The following ACOX1 variants were observed in gnomAD, a reference collection of about 807,000 sequenced individuals.
ACOX1 encodes the protein peroxisomal acyl-coenzyme A oxidase 1.
In ACOX1, 41 loss-of-function variants were observed where a neutral mutation model predicts 75.5. The observed-to-expected ratio is 0.54, with a 90% CI of 0.42 to 0.70. The LOEUF (loss-of-function observed/expected upper bound fraction) is 0.70, where lower values mean the gene tolerates loss of function less well. ACOX1 is among the 30% of genes least tolerant of loss of function. The pLI is 0.00. For synonymous variants in ACOX1, 303 were observed against 298.8 expected (o/e 1.01, Z -0.15); for missense variants, 630 against 837.5 (o/e 0.75, Z 3.06).
chr17:75,975,673 G>T (rs565189404), intron 2 of ACOX1, among the ~76,000 whole-genome samples: 4 of 152,228 alleles, frequency 2.6e-5, no homozygotes, highest in Non-Finnish European at 4.4e-5. Flanking sequence ...GCCAGGCGCA[G>T]TGGCTTATGC....
chr17:75,975,050 C>CAAA (rs1022347068), intron 2 of ACOX1, among the ~76,000 whole-genome samples: 49 of 40,212 alleles, frequency 1.2e-3, no homozygotes, highest in Non-Finnish European at 1.7e-3. Flanking sequence ...ACTCTGTCTC[C>CAAA]AAAAAAAAAA....
chr17:75,950,997 C>A lies in ACOX1; in HGVS notation c.1108-33G>T. The stretch of plus-strand genomic sequence containing the variant: ...GACAAGCACAGATCTGTCAGGACAT[C>A]TGTGGTGCTGAGAGCCCGAGAACCA... On this transcript the variant is annotated intron_variant, in intron 8 of 13. Coordinates refer to ENST00000293217, the MANE Select transcript of ACOX1 (RefSeq NM_004035.7). This position sits in a 1 kb window ranked among gnomAD's most constrained non-coding sequence, Gnocchi z 4.3. The A allele has an allele frequency of 6.2e-7, 1 of 1,608,492 alleles. No individual in the cohort carries two copies. Among genetic ancestry groups the A allele is most frequent in the Non-Finnish European group, 8.5e-7 (1 of 1,176,892 alleles).
chr17:75,957,323 T>C lies in ACOX1; in HGVS notation c.538+136A>G, dbSNP rs11077798. On this transcript the variant is annotated intron_variant, in intron 4 of 13. Coordinates refer to ENST00000293217, the MANE Select transcript of ACOX1 (RefSeq NM_004035.7). ...CTTGAATTCCTGACCTCAAGTGATCTGCCCACCTCAGCCTCCCAAAGTGTT... is the reference window on the plus strand; with the variant it reads ...CTTGAATTCCTGACCTCAAGTGATCCGCCCACCTCAGCCTCCCAAAGTGTT... 622,018 of 778,722 alleles carry C rather than the reference T, an allele frequency of 0.8. 248,887 individuals carry two copies. The highest frequency in any genetic ancestry group is 0.84 in the South Asian group (58,657 of 70,034). 48.2% of individuals were successfully genotyped at this position (778,722 alleles called of 1,614,324 possible).
chr17:75,974,760 C>T (rs1209157399), intron 2 of ACOX1, among the ~76,000 whole-genome samples: 3 of 151,998 alleles, frequency 2.0e-5, no homozygotes, highest in East Asian at 1.9e-4. Flanking sequence ...TAGCCGGGCG[C>T]GGTGGCTCAC....
At chr17:75,947,218 T>G (rs1178089420) in intron 13 of ACOX1, among the ~76,000 whole-genome samples, 1 of 151,720 alleles carries the variant, frequency 6.6e-6, no homozygotes, top group Non-Finnish European at 1.5e-5. Context: ...TGCATTGAAT[T>G]ATTTATGGAT....
intron 2 of ACOX1, chr17:75,973,425 A>G (rs764342146): frequency 9.6e-6 from 6 of 622,548 alleles, no homozygotes; most frequent in Non-Finnish European, 1.7e-5. Context: ...AGGAAATAAC[A>G]GTGAATGACG....
At chr17:75,947,189 T>C (rs2065728736) in intron 13 of ACOX1, among the ~76,000 whole-genome samples, 1 of 151,400 alleles carries the variant, frequency 6.6e-6, no homozygotes, top group African/African-American at 2.4e-5. Context: ...TTCTGAAGAG[T>C]CCTTATCTTT....
In ACOX1 at chr17:75,949,519, A is replaced by G. The variant is rs1353414180; in HGVS notation, c.1560T>C (p.Ser520=). Residue 520 remains serine (S), a synonymous_variant, in exon 11 of 14, where the codon TCT becomes TCC. Transcript: ENST00000293217. ...KSKEVAWNLT[S]VDLVRASEAH... is the part of the protein sequence containing the mutation. ...CCTCACTTGCTCGAACAAGGTCAAC[A>G]GAAGTTAGGTTCCAAGCTACCTCCT... 1.9e-6 allele frequency: 3 copies of G among 1,614,134 alleles called. No individual in the cohort carries two copies. The highest frequency in any genetic ancestry group is 2.5e-6 in the Non-Finnish European group (3 of 1,180,054).
chr17:75,973,741 G>A, intron 2 of ACOX1: 1 of 1,614,100 alleles, frequency 6.2e-7, no homozygotes, highest in Non-Finnish European at 8.5e-7. Context: ...AATAAACATG[G>A]AGTAATTGAG....
intron 3 of ACOX1, among the ~76,000 whole-genome samples, chr17:75,959,657 G>A (rs2065870465): frequency 6.6e-6 from 1 of 152,166 alleles, no homozygotes; most frequent in African/African-American, 2.4e-5. Context: ...GAAACCAAAT[G>A]CCTGCAAGTT....
chr17:75,961,759 CAAAAAAA>C (rs61575984), intron 2 of ACOX1, among the ~76,000 whole-genome samples: 1 of 53,036 alleles, frequency 1.9e-5, no homozygotes, highest in African/African-American at 6.5e-5. Context: ...GACTCTGTCT[CAAAAAAA>C]AAAAAAAAAA....
rs1231888590 is a variant in ACOX1, at chr17:75,950,950, G to A, written c.1122C>T (p.Thr374=). 15 of 1,613,924 alleles carry A rather than the reference G, an allele frequency of 9.3e-6. No individual in the cohort carries two copies. Among genetic ancestry groups the A allele is most frequent in the African/African-American group, 4.0e-5 (3 of 74,878 alleles). The part of the protein sequence containing the change: ...LSELPELHAL[T]AGLKAFTSWT... ...AGGAGGTGAAAGCCTTCAGTCCAGC[G>A]GTGAGGGCATGAAGCTGAGAGGACA... The change falls in exon 9 of 14, where the codon ACC becomes ACT. Residue 374 remains threonine, a synonymous_variant. Coordinates refer to ENST00000293217, the MANE Select transcript of ACOX1 (RefSeq NM_004035.7). The surrounding 1 kb of genome is among the most constrained non-coding windows in gnomAD (Gnocchi z 4.3).
chr17:75,979,069 T>G lies in ACOX1; in HGVS notation c.5A>C (p.Asn2Thr). Residue 2 changes from asparagine to threonine, a missense_variant, in exon 1 of 14, where the codon AAC (asparagine) becomes ACC (threonine). Coordinates refer to ENST00000293217, the MANE Select transcript of ACOX1 (RefSeq NM_004035.7). ...ATCCCGCTCCCTGCGCAGGTCCGGG[T>G]TCATGGCGACGACCAGCTGGCAGCG... M[N>T]PDLRRERDSA... The G allele has an allele frequency of 6.2e-7, 1 of 1,611,410 alleles. No individual in the cohort carries two copies. Among genetic ancestry groups the G allele is most frequent in the Non-Finnish European group, 8.5e-7 (1 of 1,179,920 alleles).
intron 4 of ACOX1, 151 bp downstream of exon 4, chr17:75,957,308 T>A: frequency 1.4e-6 from 1 of 717,246 alleles, no homozygotes; most frequent in Non-Finnish European, 2.5e-6. Flanking sequence ...CTTGAATTCC[T>A]GACCTCAAGT....
At chr17:75,966,139 A>AAAAAATAATAAAT (rs1468557405) in intron 2 of ACOX1, among the ~76,000 whole-genome samples, 2 of 149,074 alleles carry the variant, frequency 1.3e-5, no homozygotes, top group African/African-American at 5.0e-5. Context: ...CGAAAAAGAA[A>AAAAAATAATAAAT]AAAAATAATA....
chr17:75,954,258 T>A (rs1243404252), intron 6 of ACOX1, among the ~76,000 whole-genome samples: 1 of 145,096 alleles, frequency 6.9e-6, no homozygotes, highest in African/African-American at 2.6e-5. Flanking sequence ...CGGTGGCTCA[T>A]GCCTGTAATC....
At position 75,949,230 on chromosome 17, in the gene ACOX1, C is replaced by T. The variant is rs889815360; in HGVS notation, c.1715G>A (p.Gly572Glu). 3 of 1,614,052 alleles carry T rather than the reference C, an allele frequency of 1.9e-6. No homozygotes were observed. The highest frequency in any genetic ancestry group is 3.3e-5 in the Admixed American group (2 of 59,986). The change falls in exon 12 of 14, where the codon GGG becomes GAG. Residue 572 changes from glycine to glutamate, a missense_variant. This residue lies in a region of ACOX1 where 240 missense variants were observed against 262.7 expected (regional missense o/e 0.91). Coordinates refer to ENST00000293217, the MANE Select transcript of ACOX1 (RefSeq NM_004035.7). ...GAAAATACTGACCTGAAGGAAATCCCCCGCGTTCTGACTGATTCCATACAG... is the reference window on the plus strand; with the variant it reads ...GAAAATACTGACCTGAAGGAAATCCTCCGCGTTCTGACTGATTCCATACAG... ...YSLYGISQNAGDFLQGSIMTE... is the reference protein window; with the variant it reads ...YSLYGISQNAEDFLQGSIMTE...
At chr17:75,968,435 C>CACAAAAAAAAAAAAAAAAAAA (rs2065960640) in intron 2 of ACOX1, among the ~76,000 whole-genome samples, 3 of 21,008 alleles carry the variant, frequency 1.4e-4, no homozygotes, top group African/African-American at 1.1e-3. Flanking sequence ...GACTCCGTCT[C>CACAAAAAAAAAAAAAAAAAAA]AAAAAAAAAA....
chr17:75,952,585 C>T (rs2065784979), intron 7 of ACOX1, among the ~76,000 whole-genome samples: 1 of 152,012 alleles, frequency 6.6e-6, no homozygotes, highest in Admixed American at 6.6e-5. Flanking sequence ...TGAGCCACTG[C>T]GCCTGGCCTT....
Sources: gnomAD v4.1 joint callset for allele counts (sites outside exome capture counted in the v4.1 genomes callset) on GRCh38, gnomAD v4.1.1 for gene constraint, gnomAD v4.1.1 regional missense constraint, Gnocchi (gnomAD v3.1) non-coding constraint, MANE v1.5 for transcripts, NCBI Gene and HGNC (gene_info 2026-07-23, HGNC 2026-07-21) for gene names.